NLRX1: variants seen among roughly 807,000 people sequenced by gnomAD.
NLRX1 encodes NLR family member X1, also known as NOD-like receptor X1.
A neutral mutation model predicts 74.2 loss-of-function variants in NLRX1; 67 were observed. The observed-to-expected ratio is 0.90, with a 90% CI of 0.74 to 1.11. NLRX1 has a LOEUF of 1.11. Ranked by LOEUF, NLRX1 falls within the 50% of genes least tolerant of loss-of-function variation. The pLI is 0.00. For missense variants in NLRX1, 1,191 were observed against 1,305.4 expected (o/e 0.91, Z 1.35); for synonymous variants, 506 against 559.1 (o/e 0.91, Z 1.34).
chr11:119,174,224 C>A (rs1592324887), intron 5 of NLRX1, 126 bp downstream of exon 5: 1 of 1,264,412 alleles, frequency 7.9e-7, no homozygotes. Flanking sequence ...AGTAACTTCC[C>A]CAGCCTTCTG....
intron 1 of NLRX1, among the ~76,000 whole-genome samples, 171 bp downstream of exon 1, chr11:119,169,473 C>T (rs1050711957): frequency 3.6e-4 from 55 of 152,190 alleles, no homozygotes; most frequent in African/African-American, 1.3e-3. Flanking sequence ...TTAACCCTTC[C>T]GCAGCCCCTG....
Position 119,179,912 on chromosome 11 carries a change from C to T in NLRX1, c.1891C>T (p.Leu631Phe). ...ELFPMFMGGL[L>F]SAHNRAVLAQ... Reference sequence around the variant, plus strand: ...CTTCCCCATGTTCATGGGGGGGCTTCTCTCTGCCCACAACCGAGCTGTGCT... The same window carrying T: ...CTTCCCCATGTTCATGGGGGGGCTTTTCTCTGCCCACAACCGAGCTGTGCT... Residue 631 changes from leucine (L) to phenylalanine (F), a missense_variant, in exon 7 of 10, where the codon CTC becomes TTC. Coordinates refer to ENST00000409109, the MANE Select transcript of NLRX1 (RefSeq NM_001282144.2). The T allele has an allele frequency of 6.2e-7, 1 of 1,611,808 alleles. No homozygotes were observed.
chr11:119,172,566 C>G, intron 3 of NLRX1, 141 bp downstream of exon 3: 5 of 682,380 alleles, frequency 7.3e-6, no homozygotes, highest in Non-Finnish European at 1.3e-5. Flanking sequence ...ACAGTGGCAG[C>G]TCCAAGGCCT....
intron 9 of NLRX1, among the ~76,000 whole-genome samples, chr11:119,182,697 G>A (rs1948870279): frequency 6.6e-6 from 1 of 152,050 alleles, no homozygotes; most frequent in South Asian, 2.1e-4. Flanking sequence ...GACCAGTCTG[G>A]CCAACATGGT....
intron 6 of NLRX1, among the ~76,000 whole-genome samples, chr11:119,178,343 T>C (rs1948748420): frequency 6.6e-6 from 1 of 152,122 alleles, no homozygotes; most frequent in African/African-American, 2.4e-5. Context: ...TTGTCAGATA[T>C]TTGAGTGCCT....
intron 6 of NLRX1, among the ~76,000 whole-genome samples, chr11:119,176,024 G>A (rs1179747041): frequency 1.3e-5 from 2 of 152,164 alleles, no homozygotes; most frequent in Non-Finnish European, 2.9e-5. Flanking sequence ...ACTTGTCCAA[G>A]ATCACTCAAA....
chr11:119,179,643 T>TGACCAGGCACATGGAAGGCC, intron 6 of NLRX1, 50 bp from the exon 7 acceptor site: 1 of 1,489,626 alleles, frequency 6.7e-7, no homozygotes, highest in Non-Finnish European at 9.1e-7. Flanking sequence ...CCTTGAAGGC[T>TGACCAGGCACATGGAAGGCC]GAACAGGCAC....
intron 6 of NLRX1, among the ~76,000 whole-genome samples, chr11:119,176,442 G>C (rs553766314): frequency 2.6e-5 from 4 of 152,146 alleles, no homozygotes; most frequent in Admixed American, 2.0e-4. Flanking sequence ...TTTGTAGCCG[G>C]GTGCAGTGGC....
Position 119,172,274 on chromosome 11 carries a change from A to G in NLRX1, c.71-82A>G. The G allele has an allele frequency of 3.7e-6, 4 of 1,086,724 alleles. No individual in the cohort carries two copies. The South Asian group carries it at 5.0e-5, about 14-fold the overall frequency. 67.3% of individuals were successfully genotyped at this position (1,086,724 alleles called of 1,614,324 possible). On this transcript the variant is annotated intron_variant, in intron 2 of 9. Coordinates refer to ENST00000409109, the MANE Select transcript of NLRX1 (RefSeq NM_001282144.2). The stretch of plus-strand genomic sequence containing the variant: ...GGGCAGTACATGCTGCTATGAGAGC[A>G]AATACTGGGGGGTTTGATGTAGACA...
Position 119,174,769 on chromosome 11 carries a change from C to T in NLRX1, c.1166C>T (p.Pro389Leu), listed in dbSNP as rs1288588840. 1.9e-6 allele frequency: 3 copies of T among 1,613,762 alleles called. No individual in the cohort carries two copies. In the Admixed American group the frequency reaches 5.0e-5, roughly 27 times the overall value. ...ATLHFLHAPT[P>L]AGQTLTSIYT... is the part of the protein sequence containing the mutation. ...TTGCACTTCCTGCATGCCCCCACGC[C>T]TGCTGGGCAGACCCTTACAAGCATC... is the stretch of plus-strand genomic sequence containing the variant. The change falls in exon 6 of 10, where the codon CCT becomes CTT. Residue 389 changes from proline to leucine, a missense_variant. By Grantham distance (98) the Pro-to-Leu change is moderately conservative (BLOSUM62 -3). Transcript: ENST00000409109.
At chr11:119,180,900 G>A (rs1948821333) in intron 7 of NLRX1, among the ~76,000 whole-genome samples, 2 of 151,864 alleles carry the variant, frequency 1.3e-5, no homozygotes, top group African/African-American at 4.8e-5. Context: ...AATTAGTCAG[G>A]TGTGGTGGCA....
rs753729293 is a variant in NLRX1 at position 119,183,616 on chromosome 11, A to G, written c.*177A>G. On this transcript the variant is annotated 3_prime_UTR_variant, in exon 10 of 10. Coordinates refer to ENST00000409109, the MANE Select transcript of NLRX1 (RefSeq NM_001282144.2). The surrounding 1 kb of genome is among the most constrained non-coding windows in gnomAD (Gnocchi z 5.7). Reference sequence around the variant, plus strand: ...ATGTTTGACCAGGACTGAGTCTGGAATCTCCAAGTTAAAGATGGTGAATCA... The same window carrying G: ...ATGTTTGACCAGGACTGAGTCTGGAGTCTCCAAGTTAAAGATGGTGAATCA... The G allele has an allele frequency of 1.4e-6, 1 of 724,762 alleles. No homozygotes were observed. The highest frequency in any genetic ancestry group is 2.5e-6 in the Non-Finnish European group (1 of 404,166). 44.9% of individuals were successfully genotyped at this position (724,762 alleles called of 1,614,324 possible).
At position 119,181,079 on chromosome 11, in the gene NLRX1, G is replaced by A. The variant is rs1318100428; in HGVS notation, c.2268-92G>A. On this transcript the variant is annotated intron_variant, in intron 7 of 9. Transcript: ENST00000409109. ...AGCAGGTATAGATTCCCAGAGGCAG[G>A]CTGATGAAAAAAAGGCATGGTAGAT... 3.5e-6 allele frequency: 3 copies of A among 869,194 alleles called. No homozygotes were observed. The African/African-American group carries it at 5.0e-5, about 14-fold the overall frequency. 53.8% of individuals were successfully genotyped at this position (869,194 alleles called of 1,614,324 possible). A position where few individuals can be genotyped will look rare whatever the true frequency, so the allele number is the denominator to read the frequency against.
At chr11:119,170,654 A>G (rs1315265339) in intron 1 of NLRX1, among the ~76,000 whole-genome samples, 1 of 152,258 alleles carries the variant, frequency 6.6e-6, no homozygotes, top group East Asian at 1.9e-4. Flanking sequence ...AGGATCTGAT[A>G]TCTGCGGAAG....
intron 8 of NLRX1, chr11:119,181,485 A>G: frequency 1.9e-6 from 1 of 525,706 alleles, no homozygotes; most frequent in Non-Finnish European, 3.5e-6. Flanking sequence ...GGCTAAAATC[A>G]GCCTGGGGGA....
At position 119,183,671 on chromosome 11, in the gene NLRX1, T is replaced by C. The variant is rs1210957267; in HGVS notation, c.*232T>C. 1 of 733,292 alleles carries C rather than the reference T, an allele frequency of 1.4e-6. No homozygotes were observed. The highest frequency in any genetic ancestry group is 2.6e-5 in the East Asian group (1 of 38,884). 45.4% of individuals were successfully genotyped at this position (733,292 alleles called of 1,614,324 possible). ...TTCGGGCTTGGAGATGGAACATGCC[T>C]CCTCTCCATTCAGCTAGAAGGACCA... On this transcript the variant is annotated 3_prime_UTR_variant, in exon 10 of 10. Transcript: ENST00000409109. This position sits in a 1 kb window ranked among gnomAD's most constrained non-coding sequence, Gnocchi z 5.7.
At chr11:119,182,409 C>T in intron 9 of NLRX1, 64 bp downstream of exon 9, 2 of 1,564,930 alleles carry the variant, frequency 1.3e-6, no homozygotes, top group South Asian at 1.2e-5. Context: ...CTCAACTGTG[C>T]TCCTCCAATC....
rs762182764 is a variant in NLRX1, at chr11:119,173,594, C to A, written c.345C>A (p.Ile115=). 6 of 1,614,046 alleles carry A rather than the reference C, an allele frequency of 3.7e-6. No individual in the cohort carries two copies. The African/African-American group carries it at 8.0e-5, about 22-fold the overall frequency. ...ALDTVHVDPV[I]RESTPDELLR... is the part of the protein sequence containing the mutation. ...ACACGGTCCACGTTGACCCTGTGATCCGCGAGAGTACCCCTGATGAGCTAC... is the reference window on the plus strand; with the variant it reads ...ACACGGTCCACGTTGACCCTGTGATACGCGAGAGTACCCCTGATGAGCTAC... The change falls in exon 5 of 10, where the codon ATC becomes ATA. Residue 115 remains isoleucine (I), a synonymous_variant. Coordinates refer to ENST00000409109, the MANE Select transcript of NLRX1 (RefSeq NM_001282144.2). The surrounding 1 kb of genome is among the most constrained non-coding windows in gnomAD (Gnocchi z 4.0).
In NLRX1 at chr11:119,180,001, G is replaced by GAAGCTGGGC; in HGVS notation, c.1990_1998dup (p.Lys664_Gly666dup). 1.9e-6 allele frequency: 3 copies of GAAGCTGGGC among 1,613,808 alleles called. No individual in the cohort carries two copies. Among genetic ancestry groups the GAAGCTGGGC allele is most frequent in the Non-Finnish European group, 2.5e-6 (3 of 1,180,012 alleles). On this transcript the variant is annotated inframe_insertion, in exon 7 of 10. Coordinates refer to ENST00000409109, the MANE Select transcript of NLRX1 (RefSeq NM_001282144.2). ...TGGAGAATGCCCAGGCCATCAAGAA[G>GAAGCTGGGC]AAGCTGGGCAAGCTGGGCCGGCAGG...
Sources: allele counts gnomAD v4.1 joint callset (sites outside exome capture counted in the v4.1 genomes callset), GRCh38; gene constraint gnomAD v4.1.1; non-coding constraint Gnocchi (gnomAD v3.1); transcripts MANE v1.5; gene names NCBI Gene and HGNC (gene_info 2026-07-23, HGNC 2026-07-21).